MICAL3: variants seen among roughly 807,000 people sequenced by gnomAD.
MICAL3 encodes microtubule associated monooxygenase, calponin and LIM domain containing 3.
In MICAL3, 62 loss-of-function variants were observed where a neutral mutation model predicts 207.4. The observed-to-expected ratio is 0.30, with a 90% confidence interval of 0.24 to 0.37. The LOEUF (loss-of-function observed/expected upper bound fraction) is 0.37, where lower values mean the gene tolerates loss of function less well. MICAL3 is among the 10% of genes least tolerant of loss of function. The pLI is 1.00. For synonymous variants in MICAL3, 1,077 were observed against 1,069.3 expected, an observed-to-expected ratio of 1.01 and a Z score of -0.14; for missense variants, 2,368 against 2,635.6, an observed-to-expected ratio of 0.90 and a Z score of 2.22.
intron 1 of MICAL3, among the ~76,000 whole-genome samples, chr22:17,914,581 G>A (rs994317963): frequency 6.6e-6 from 1 of 152,190 alleles, no homozygotes; most frequent in African/African-American, 2.4e-5. Flanking sequence ...CCCGAGAGCA[G>A]GAACTTGCCT....
At chr22:17,950,632 C>A (rs919161561) in intron 1 of MICAL3, among the ~76,000 whole-genome samples, 28 of 152,132 alleles carry the variant, frequency 1.8e-4, no homozygotes, top group Non-Finnish European at 7.3e-5. Flanking sequence ...CCACTGCGCC[C>A]GGCCAGCTGT....
In MICAL3 at chr22:17,841,975, C is replaced by G. The variant is rs774945533; in HGVS notation, c.2648G>C (p.Arg883Pro). 3.1e-6 allele frequency: 5 copies of G among 1,606,552 alleles called. No homozygotes were observed. The highest frequency in any genetic ancestry group is 4.2e-6 in the Non-Finnish European group (5 of 1,179,430). ...NGLEEPSIAK[R>P]LRGTPERIEL... is the part of the protein sequence containing the mutation. ...GATCCGCTCTGGGGTGCCCCTCAGT[C>G]GCTTGGCGATGCTGGGCTCCTCCAG... Residue 883 changes from arginine (R) to proline (P), a missense_variant, in exon 20 of 32, where the codon CGA (arginine) becomes CCA (proline). Arg to Pro is a moderately radical substitution (Grantham distance 103). Coordinates refer to ENST00000441493, the MANE Select transcript of MICAL3 (RefSeq NM_015241.3). This position sits in a 1 kb window ranked among gnomAD's most constrained non-coding sequence, Gnocchi z 4.2.
chr22:17,801,245 C>T (rs1203850761), intron 29 of MICAL3, among the ~76,000 whole-genome samples: 4 of 105,196 alleles, frequency 3.8e-5, no homozygotes, highest in East Asian at 5.3e-4. Context: ...CTCCGCCTCC[C>T]GGGTTCACGC....
chr22:17,984,737 G>A (rs555596148), intron 1 of MICAL3, among the ~76,000 whole-genome samples: 2 of 152,172 alleles, frequency 1.3e-5, no homozygotes, highest in Admixed American at 6.6e-5. Context: ...CTGACTCCAT[G>A]GCAGGTGTTA....
chr22:17,891,053 A>C (rs1930354866), intron 12 of MICAL3, among the ~76,000 whole-genome samples: 1 of 152,254 alleles, frequency 6.6e-6, no homozygotes, highest in Non-Finnish European at 1.5e-5. Context: ...TAGTAGTGAC[A>C]CATTTGCCTT....
Position 17,907,442 on chromosome 22 carries a change from C to T in MICAL3, c.-74-556G>A, listed in dbSNP as rs73386401. Among the ~76,000 whole-genome samples, 1,167 of 152,322 alleles carry T rather than the reference C, an allele frequency of 7.7e-3. 11 individuals carry two copies. The highest frequency in any genetic ancestry group is 0.026 in the African/African-American group (1,099 of 41,574). On this transcript the variant is annotated intron_variant, in intron 1 of 31. Transcript: ENST00000441493. ...CAATGGATTAAAAACAGAAGCACTC[C>T]TTGGTGCCAGTGGAGCAGTGAGCCC...
At chr22:17,817,188 A>T in intron 26 of MICAL3, 123 bp downstream of exon 26, 1 of 1,234,992 alleles carries the variant, frequency 8.1e-7, no homozygotes, top group Non-Finnish European at 1.1e-6. Flanking sequence ...TCTCCAGGTC[A>T]GCACGGCTCC....
In MICAL3 at chr22:17,904,857, T is replaced by C. The variant is rs374094922; in HGVS notation, c.265-18A>G. On this transcript the variant is annotated intron_variant, in intron 2 of 31. Transcript: ENST00000441493. ...ATGAGACACTGAAAAACACAGCTGC[T>C]TTCAGGGCAGGCGGCACTTCCAACA... The C allele has an allele frequency of 8.4e-5, 133 of 1,583,888 alleles. 1 individual carries two copies. The Admixed American group carries it at 1.9e-3, about 22-fold the overall frequency.
intron 5 of MICAL3, among the ~76,000 whole-genome samples, chr22:17,901,585 G>A (rs1013152419): frequency 2.6e-5 from 4 of 152,178 alleles, no homozygotes; most frequent in Admixed American, 1.3e-4. Flanking sequence ...TGGGAGACTC[G>A]CTTGAGACCA....
At chr22:17,954,693 T>C (rs1934525711) in intron 1 of MICAL3, among the ~76,000 whole-genome samples, 1 of 151,882 alleles carries the variant, frequency 6.6e-6, no homozygotes, top group African/African-American at 2.4e-5. Context: ...CAGCAGAATC[T>C]CAGTGTGGTT....
intron 1 of MICAL3, among the ~76,000 whole-genome samples, chr22:17,940,124 C>A (rs1470822722): frequency 6.6e-6 from 1 of 152,244 alleles, no homozygotes; most frequent in Non-Finnish European, 1.5e-5. Flanking sequence ...ATGCCACCAT[C>A]TGATTATTTT....
Position 17,976,589 on chromosome 22 carries a change from A to ATATT in MICAL3, c.-75+47691_-75+47692insAATA, listed in dbSNP as rs1231976773. Among the ~76,000 whole-genome samples the ATATT allele has an allele frequency of 3.9e-3, 261 of 67,094 alleles. 2 individuals carry two copies. Among genetic ancestry groups the ATATT allele is most frequent in the Non-Finnish European group, 4.7e-3 (187 of 40,018 alleles). 44.0% of individuals were successfully genotyped at this position (67,094 alleles called of 152,430 possible). A position where few individuals can be genotyped will look rare whatever the true frequency, so the allele number is the denominator to read the frequency against. On this transcript the variant is annotated intron_variant, in intron 1 of 31. Transcript: ENST00000441493. The stretch of plus-strand genomic sequence containing the variant: ...TATATATATATATATATATATATAT[A>ATATT]TTTTTTTTTTTTTTTTTTGAGACAG...
At chr22:17,965,183 CAAAAAAAAA>C (rs370246938) in intron 1 of MICAL3, among the ~76,000 whole-genome samples, 1 of 105,642 alleles carries the variant, frequency 9.5e-6, no homozygotes, top group East Asian at 2.8e-4. Context: ...ACCCCGTCTC[CAAAAAAAAA>C]AAAAAAAAAA....
Position 18,015,143 on chromosome 22 carries a change from C to G in MICAL3, c.-75+9138G>C, listed in dbSNP as rs549495676. Among the ~76,000 whole-genome samples, 5 of 152,196 alleles carry G rather than the reference C, an allele frequency of 3.3e-5. No homozygotes were observed. In the South Asian group the frequency reaches 1.0e-3, roughly 32 times the overall value. On this transcript the variant is annotated intron_variant, in intron 1 of 31. Coordinates refer to ENST00000441493, the MANE Select transcript of MICAL3 (RefSeq NM_015241.3). ...CAGTAGATATTCACAAACTACCTGCCGTAAGCAAGGACTTCACCAAAGTTA... is the reference window on the plus strand; with the variant it reads ...CAGTAGATATTCACAAACTACCTGCGGTAAGCAAGGACTTCACCAAAGTTA...
At chr22:17,814,712 C>T (rs1265089884) in intron 27 of MICAL3, 1 of 152,262 alleles carries the variant, frequency 6.6e-6, no homozygotes, top group Non-Finnish European at 1.5e-5. Flanking sequence ...TTGGCCTTCC[C>T]CTAGGTCATT....
At chr22:17,927,110 T>C (rs866807545) in intron 1 of MICAL3, among the ~76,000 whole-genome samples, 1 of 152,184 alleles carries the variant, frequency 6.6e-6, no homozygotes, top group African/African-American at 2.4e-5. Context: ...CCTCAGCCCA[T>C]GGTTGTCACC....
At chr22:17,970,331 G>C (rs968764772) in intron 1 of MICAL3, among the ~76,000 whole-genome samples, 6 of 152,206 alleles carry the variant, frequency 3.9e-5, no homozygotes, top group African/African-American at 1.4e-4. Flanking sequence ...CCCATGCTTA[G>C]AGGATGTTCG....
At chr22:17,976,533 A>ATGTGTGTGTGTGTGTGTG (rs1278243661) in intron 1 of MICAL3, among the ~76,000 whole-genome samples, 8 of 115,542 alleles carry the variant, frequency 6.9e-5, no homozygotes, top group African/African-American at 2.1e-4. Flanking sequence ...ATGTGTATAT[A>ATGTGTGTGTGTGTGTGTG]TATGTGTGTG....
Sources: gnomAD v4.1 joint callset for allele counts (sites outside exome capture counted in the v4.1 genomes callset) on GRCh38, gnomAD v4.1.1 for gene constraint, Gnocchi (gnomAD v3.1) non-coding constraint, MANE v1.5 for transcripts, NCBI Gene and HGNC (gene_info 2026-07-23, HGNC 2026-07-21) for gene names.